The following HIP1 variants were observed in gnomAD, a reference collection of about 807,000 sequenced individuals.
HIP1 encodes the protein huntingtin-interacting protein 1.
HIP1 carries 65 observed loss-of-function variants against 147.6 expected under a neutral mutation model. The observed-to-expected ratio is 0.44, with a 90% CI of 0.36 to 0.54. HIP1 has a LOEUF of 0.54. HIP1 is among the 20% of genes least tolerant of loss of function. HIP1 has a pLI of 0.00. For synonymous variants in HIP1, 479 were observed against 504.0 expected (o/e 0.95, Z 0.67); for missense variants, 1,061 against 1,299.6 (o/e 0.82, Z 2.82).
At chr7:75,653,149 GAA>G (rs34356717) in intron 1 of HIP1, among the ~76,000 whole-genome samples, 3 of 144,602 alleles carry the variant, frequency 2.1e-5, no homozygotes, top group Non-Finnish European at 1.5e-5. Context: ...AGGTCTGGGA[GAA>G]AAAAAAAAAC....
intron 1 of HIP1, among the ~76,000 whole-genome samples, chr7:75,635,204 C>A (rs1006363275): frequency 6.6e-6 from 1 of 152,062 alleles, no homozygotes; most frequent in Non-Finnish European, 1.5e-5. Context: ...CTGATGTCAT[C>A]AAAAATTCAT....
At chr7:75,704,850 G>C (rs1046443553) in intron 1 of HIP1, among the ~76,000 whole-genome samples, 1 of 152,196 alleles carries the variant, frequency 6.6e-6, no homozygotes, top group South Asian at 2.1e-4. Context: ...TGGGATTACA[G>C]GCATGAGCCA....
intron 10 of HIP1, 43 bp downstream of exon 10, chr7:75,563,145 G>A (rs1554494913): frequency 6.2e-7 from 1 of 1,613,550 alleles, no homozygotes; most frequent in East Asian, 2.2e-5. Flanking sequence ...GAGAGTACCT[G>A]GGGCCTCTGC....
At chr7:75,554,394 G>T in intron 20 of HIP1, 46 bp downstream of exon 20, 1 of 1,517,536 alleles carries the variant, frequency 6.6e-7, no homozygotes, top group Non-Finnish European at 9.2e-7. Flanking sequence ...TCTGAACCCT[G>T]TCTGGCCATC....
rs113373094 is a variant in HIP1 at position 75,579,361 on chromosome 7, G to A, written c.604+1876C>T. ...GACAGAATCTTGCTCACTGCATCTC[G>A]GCTCACTGCAAACTCCGCCTCCTGA... On this transcript the variant is annotated intron_variant, in intron 7 of 30. Coordinates refer to ENST00000336926, the MANE Select transcript of HIP1 (RefSeq NM_005338.7). Among the ~76,000 whole-genome samples the A allele has an allele frequency of 8.4e-4, 127 of 151,942 alleles. 1 individual carries two copies. Among genetic ancestry groups the A allele is most frequent in the African/African-American group, 2.8e-3 (115 of 41,482 alleles).
chr7:75,556,875 T>A, intron 16 of HIP1, 64 bp from the exon 17 acceptor site: 1 of 1,009,068 alleles, frequency 9.9e-7, no homozygotes, highest in South Asian at 1.3e-5. Flanking sequence ...TATAAAAATG[T>A]AAAAACGTCC....
At chr7:75,719,876 G>A (rs540886132) in intron 1 of HIP1, among the ~76,000 whole-genome samples, 18 of 152,150 alleles carry the variant, frequency 1.2e-4, no homozygotes, top group Non-Finnish European at 2.2e-4. Flanking sequence ...ACACAACCTA[G>A]ACCCAGACAC....
intron 1 of HIP1, among the ~76,000 whole-genome samples, chr7:75,726,441 A>G (rs1418010037): frequency 6.6e-6 from 1 of 151,788 alleles, no homozygotes; most frequent in Non-Finnish European, 1.5e-5. Flanking sequence ...ATGCCACCAC[A>G]CCTGGCTAAT....
At chr7:75,562,251 A>G in intron 11 of HIP1, 81 bp from the exon 12 acceptor site, 1 of 896,618 alleles carries the variant, frequency 1.1e-6, no homozygotes, top group South Asian at 1.3e-5. Flanking sequence ...GATATGGGAG[A>G]ATGCCCCCTT....
chr7:75,706,475 TTTTTTTTATTTTTTTTTTA>T (rs1376100691), intron 1 of HIP1, among the ~76,000 whole-genome samples: 2 of 148,114 alleles, frequency 1.4e-5, no homozygotes, highest in Non-Finnish European at 3.0e-5. Flanking sequence ...TATATCTTCT[TTTTTTTTATTTTTTTTTTA>T]TTTTTTTATT....
chr7:75,548,157 T>C (rs182654093), intron 23 of HIP1, among the ~76,000 whole-genome samples: 233 of 152,132 alleles, frequency 1.5e-3, no homozygotes, highest in Non-Finnish European at 2.5e-3. Flanking sequence ...GCCTTCTGAG[T>C]GGCTGGGATT....
intron 5 of HIP1, among the ~76,000 whole-genome samples, chr7:75,585,518 C>G (rs1456497575): frequency 1.3e-5 from 2 of 151,946 alleles, no homozygotes; most frequent in Non-Finnish European, 2.9e-5. Flanking sequence ...CCCGCCTCCT[C>G]ATGACACCTT....
At chr7:75,631,520 T>C (rs1367785176) in intron 1 of HIP1, among the ~76,000 whole-genome samples, 2 of 152,160 alleles carry the variant, frequency 1.3e-5, no homozygotes, top group African/African-American at 4.8e-5. Flanking sequence ...CTGTGGAGTC[T>C]GGCTGGGATC....
intron 1 of HIP1, among the ~76,000 whole-genome samples, chr7:75,728,992 G>A (rs1225581235): frequency 6.6e-6 from 1 of 151,282 alleles, no homozygotes; most frequent in Non-Finnish European, 1.5e-5. Flanking sequence ...CACTACCTAG[G>A]TGACAGGATC....
At chr7:75,648,896 A>C (rs548557507) in intron 1 of HIP1, among the ~76,000 whole-genome samples, 78 of 152,154 alleles carry the variant, frequency 5.1e-4, no homozygotes, top group Non-Finnish European at 8.4e-4. Context: ...GCTTGAGCTC[A>C]GGAGTTTGAG....
chr7:75,685,506 G>T (rs953578435), intron 1 of HIP1, among the ~76,000 whole-genome samples: 4 of 152,110 alleles, frequency 2.6e-5, no homozygotes, highest in African/African-American at 9.7e-5. Flanking sequence ...CCTTCTTATA[G>T]CTCTGTGCTA....
intron 1 of HIP1, among the ~76,000 whole-genome samples, chr7:75,624,936 ATT>A (rs57832648): frequency 0.025 from 3,509 of 139,144 alleles, 98 homozygotes; most frequent in East Asian, 0.17. Flanking sequence ...TTTTTGTTTA[ATT>A]TTTTTTTTTT....
intron 4 of HIP1, 120 bp from the exon 5 acceptor site, chr7:75,586,953 T>C: frequency 1.4e-6 from 1 of 696,824 alleles, no homozygotes. Context: ...TTATTTTATT[T>C]ATTTAGAGAT....
intron 1 of HIP1, among the ~76,000 whole-genome samples, chr7:75,616,808 T>C (rs1179610): frequency 0.26 from 38,822 of 152,138 alleles, 6,385 homozygotes; most frequent in African/African-American, 0.48. Flanking sequence ...TGCTGGTGCC[T>C]GAGCCTGTGT....
Sources: gnomAD v4.1 joint callset for allele counts (sites outside exome capture counted in the v4.1 genomes callset) on GRCh38, gnomAD v4.1.1 for gene constraint, MANE v1.5 for transcripts, NCBI Gene and HGNC (gene_info 2026-07-23, HGNC 2026-07-21) for gene names.